Variants in REDIC1 observed in about 807,000 individuals in gnomAD.
REDIC1 encodes regulator of DNA class I crossover intermediates 1.
At chr12:39,710,995 C>T in the REDIC1 span, among the ~76,000 whole-genome samples, 6 of 151,254 alleles carry the variant, frequency 4.0e-5, no homozygotes, top group Middle Eastern at 3.4e-3. Flanking sequence ...ACCCATCACC[C>T]GAGCAGTATA....
chr12:39,794,986 G>T, the REDIC1 span, among the ~76,000 whole-genome samples: 2 of 152,122 alleles, frequency 1.3e-5, no homozygotes, highest in Non-Finnish European at 2.9e-5. Flanking sequence ...CTGTTCAGCA[G>T]TCTCATTCTA....
the REDIC1 span, among the ~76,000 whole-genome samples, chr12:39,747,374 G>GA: frequency 6.6e-6 from 1 of 152,118 alleles, no homozygotes; most frequent in Admixed American, 6.5e-5. Flanking sequence ...GAAGTTTAGA[G>GA]AAAAAAGAGT....
At chr12:39,745,232 G>A in the REDIC1 span, among the ~76,000 whole-genome samples, 2 of 152,122 alleles carry the variant, frequency 1.3e-5, no homozygotes, top group African/African-American at 4.8e-5. Context: ...CAGTGATTAG[G>A]CTTAGTTCCT....
At chr12:39,738,728 G>T in the REDIC1 span, among the ~76,000 whole-genome samples, 1 of 152,142 alleles carries the variant, frequency 6.6e-6, no homozygotes, top group Non-Finnish European at 1.5e-5. Context: ...CTTCATTTTA[G>T]ATGAGATCAG....
the REDIC1 span, chr12:39,871,684 T>C: frequency 2.7e-6 from 3 of 1,093,296 alleles, no homozygotes; most frequent in East Asian, 2.9e-5. Flanking sequence ...ATTTTTTTGT[T>C]GTTTGGCTGA....
chr12:39,825,718 A>G, the REDIC1 span, among the ~76,000 whole-genome samples: 2 of 152,094 alleles, frequency 1.3e-5, no homozygotes, highest in African/African-American at 2.4e-5. Context: ...CTTCTTGATT[A>G]GTATTGCAAG....
At chr12:39,865,827 A>G in the REDIC1 span, among the ~76,000 whole-genome samples, 2 of 152,200 alleles carry the variant, frequency 1.3e-5, no homozygotes, top group African/African-American at 4.8e-5. Flanking sequence ...GCTGCATGAT[A>G]AAAACACACG....
chr12:39,855,289 CAA>C, the REDIC1 span, among the ~76,000 whole-genome samples: 2 of 152,088 alleles, frequency 1.3e-5, no homozygotes, highest in African/African-American at 2.4e-5. Flanking sequence ...TTTTATATAA[CAA>C]GTTTATTTTT....
chr12:39,799,453 G>A, the REDIC1 span, among the ~76,000 whole-genome samples: 28 of 63,512 alleles, frequency 4.4e-4, no homozygotes, highest in East Asian at 1.6e-3. Context: ...TCTACACGGC[G>A]CACTTTTACA....
chr12:39,807,431 A>C, the REDIC1 span, among the ~76,000 whole-genome samples: 1 of 152,210 alleles, frequency 6.6e-6, no homozygotes, highest in Non-Finnish European at 1.5e-5. Context: ...GCAAGTTGTT[A>C]TTCAGGGGAA....
chr12:39,746,548 T>G, the REDIC1 span, among the ~76,000 whole-genome samples: 3 of 152,214 alleles, frequency 2.0e-5, no homozygotes, highest in Non-Finnish European at 4.4e-5. Flanking sequence ...CAGACTTAAA[T>G]GTCCCTGTCT....
At chr12:39,859,496 T>C in the REDIC1 span, among the ~76,000 whole-genome samples, 1 of 152,062 alleles carries the variant, frequency 6.6e-6, no homozygotes, top group Non-Finnish European at 1.5e-5. Flanking sequence ...CAGATGACCC[T>C]GGTTAAGACT....
At chr12:39,805,478 C>T in the REDIC1 span, among the ~76,000 whole-genome samples, 2 of 150,474 alleles carry the variant, frequency 1.3e-5, no homozygotes, top group Non-Finnish European at 3.0e-5. Context: ...TTCCAGCCTC[C>T]ATTATACTCT....
chr12:39,857,044 A>T, the REDIC1 span, among the ~76,000 whole-genome samples: 3 of 152,328 alleles, frequency 2.0e-5, no homozygotes, highest in Admixed American at 2.0e-4. Flanking sequence ...AACAGGAATA[A>T]AACTCCAAGT....
chr12:39,830,473 C>A, the REDIC1 span: 3 of 1,208,030 alleles, frequency 2.5e-6, no homozygotes, highest in Non-Finnish European at 2.1e-6. Context: ...AGGCTTGGAT[C>A]TGAGAGACTG....
chr12:39,712,273 C>CAT, the REDIC1 span, among the ~76,000 whole-genome samples: 245 of 136,784 alleles, frequency 1.8e-3, 4 homozygotes, highest in Middle Eastern at 7.1e-3. Flanking sequence ...TGTATATATA[C>CAT]ATGTATATAT....
chr12:39,658,392 AAATACATTCT>A, the REDIC1 span, among the ~76,000 whole-genome samples: 2 of 152,180 alleles, frequency 1.3e-5, no homozygotes, highest in South Asian at 4.1e-4. Context: ...GCCTGGATCA[AAATACATTCT>A]AATCTTTCTT....
At chr12:39,715,547 A>G in the REDIC1 span, among the ~76,000 whole-genome samples, 31 of 152,038 alleles carry the variant, frequency 2.0e-4, no homozygotes, top group South Asian at 6.2e-4. Context: ...AAATACCACC[A>G]TCATTCTTCA....
chr12:39,696,329 G>A, the REDIC1 span, among the ~76,000 whole-genome samples: 3 of 151,080 alleles, frequency 2.0e-5, no homozygotes, highest in African/African-American at 7.3e-5. Context: ...GGATCACGAG[G>A]TCAGGAGATC....
Sources: gnomAD v4.1 joint callset for allele counts (sites outside exome capture counted in the v4.1 genomes callset) on GRCh38, gnomAD v4.1.1 for gene constraint, MANE v1.5 for transcripts, NCBI Gene and HGNC (gene_info 2026-07-23, HGNC 2026-07-21) for gene names.